The following DOK6 variants were observed in gnomAD, a reference collection of about 807,000 sequenced individuals.
DOK6 encodes the protein downstream of tyrosine kinase 6.
DOK6 carries 22 observed loss-of-function variants against 44.0 expected under a neutral mutation model. That is an observed-to-expected ratio of 0.50 (90% confidence interval 0.36 to 0.71). The LOEUF (loss-of-function observed/expected upper bound fraction) is 0.71, where lower values mean the gene tolerates loss of function less well. DOK6 is among the 30% of genes least tolerant of loss of function. DOK6 has a pLI of 0.00. For missense variants in DOK6, 340 were observed against 416.4 expected (o/e 0.82, Z 1.60); for synonymous variants, 166 against 145.5 (o/e 1.14, Z -1.01).
chr18:69,792,064 A>T (rs1350570895), intron 7 of DOK6, among the ~76,000 whole-genome samples: 7 of 151,904 alleles, frequency 4.6e-5, no homozygotes, highest in Admixed American at 4.6e-4. Flanking sequence ...TTCACTGTAG[A>T]TGTATGAATT....
At chr18:69,651,478 GCTC>G (rs1985223971) in intron 3 of DOK6, among the ~76,000 whole-genome samples, 2 of 134,684 alleles carry the variant, frequency 1.5e-5, no homozygotes, top group African/African-American at 5.8e-5. Flanking sequence ...TCAGCCCCCC[GCTC>G]CTTTTTTTTT....
intron 5 of DOK6, among the ~76,000 whole-genome samples, chr18:69,708,923 G>A (rs1238465756): frequency 1.3e-5 from 2 of 151,852 alleles, no homozygotes; most frequent in Non-Finnish European, 2.9e-5. Context: ...AATCAAAAAC[G>A]AGCCTTTCCT....
chr18:69,614,687 G>A (rs558779361), intron 3 of DOK6, among the ~76,000 whole-genome samples: 2 of 151,822 alleles, frequency 1.3e-5, no homozygotes, highest in South Asian at 4.1e-4. Context: ...TTTTGCATCC[G>A]TGTTACAGCT....
At chr18:69,437,183 G>C (rs1249007730) in intron 1 of DOK6, among the ~76,000 whole-genome samples, 1 of 152,046 alleles carries the variant, frequency 6.6e-6, no homozygotes, top group Non-Finnish European at 1.5e-5. Context: ...TGTCAATTTT[G>C]GTTTTTGTTG....
chr18:69,765,159 A>C (rs769035882), intron 7 of DOK6, among the ~76,000 whole-genome samples: 1 of 152,222 alleles, frequency 6.6e-6, no homozygotes, highest in Non-Finnish European at 1.5e-5. Flanking sequence ...TCCAAACTGC[A>C]TTGTATATAA....
At chr18:69,575,588 A>G (rs1462671230) in intron 2 of DOK6, among the ~76,000 whole-genome samples, 3 of 152,118 alleles carry the variant, frequency 2.0e-5, no homozygotes, top group Non-Finnish European at 4.4e-5. Context: ...CCTGACAGGA[A>G]AAAAGCTAAT....
At chr18:69,567,218 T>C (rs74348924) in intron 2 of DOK6, among the ~76,000 whole-genome samples, 4,611 of 152,266 alleles carry the variant, frequency 0.03, 80 homozygotes, top group South Asian at 0.044. Flanking sequence ...GGCCATGCAC[T>C]GGGGATACAG....
chr18:69,514,630 C>G (rs919467832), intron 1 of DOK6, among the ~76,000 whole-genome samples: 1 of 151,744 alleles, frequency 6.6e-6, no homozygotes, highest in Non-Finnish European at 1.5e-5. Context: ...ATATTGGGAA[C>G]AAAATCATGA....
At chr18:69,483,989 A>T (rs1035340695) in intron 1 of DOK6, among the ~76,000 whole-genome samples, 5 of 152,014 alleles carry the variant, frequency 3.3e-5, no homozygotes, top group Non-Finnish European at 7.4e-5. Flanking sequence ...ATTAGCAAAG[A>T]TGTTTAACAG....
intron 1 of DOK6, among the ~76,000 whole-genome samples, chr18:69,438,586 A>C (rs1199768622): frequency 6.6e-6 from 1 of 152,176 alleles, no homozygotes; most frequent in African/African-American, 2.4e-5. Flanking sequence ...TGAATCAGAA[A>C]TGTTCTTCAT....
At chr18:69,467,948 G>A (rs937063745) in intron 1 of DOK6, among the ~76,000 whole-genome samples, 1 of 152,168 alleles carries the variant, frequency 6.6e-6, no homozygotes, top group Non-Finnish European at 1.5e-5. Context: ...ATAGCATGGA[G>A]AGACAGCTTG....
At chr18:69,462,664 G>A (rs573677463) in intron 1 of DOK6, among the ~76,000 whole-genome samples, 1 of 152,250 alleles carries the variant, frequency 6.6e-6, no homozygotes, top group East Asian at 1.9e-4. Flanking sequence ...TTTAAAAAAT[G>A]TTTTTATACA....
intron 1 of DOK6, among the ~76,000 whole-genome samples, chr18:69,467,099 G>A (rs1338296902): frequency 1.3e-5 from 2 of 152,080 alleles, no homozygotes; most frequent in African/African-American, 4.8e-5. Context: ...AATTCTGTCT[G>A]CATAATATGA....
intron 1 of DOK6, among the ~76,000 whole-genome samples, chr18:69,555,100 T>C (rs989867398): frequency 1.3e-4 from 20 of 152,182 alleles, no homozygotes; most frequent in Non-Finnish European, 2.9e-4. Flanking sequence ...TTTCCTAATA[T>C]GTAAAAATTT....
intron 3 of DOK6, among the ~76,000 whole-genome samples, chr18:69,669,619 G>A (rs1985745508): frequency 6.6e-6 from 1 of 152,036 alleles, no homozygotes; most frequent in African/African-American, 2.4e-5. Context: ...GTTACTGGTG[G>A]ATCTAATCTT....
chr18:69,505,502 T>A (rs1292118182), intron 1 of DOK6, among the ~76,000 whole-genome samples: 1 of 145,786 alleles, frequency 6.9e-6, no homozygotes, highest in African/African-American at 2.6e-5. Context: ...TTTTTTTTTT[T>A]TTTTTTTTTT....
chr18:69,634,356 A>G (rs1450400819), intron 3 of DOK6, among the ~76,000 whole-genome samples: 1 of 152,106 alleles, frequency 6.6e-6, no homozygotes, highest in Non-Finnish European at 1.5e-5. Flanking sequence ...AAGTAACCCT[A>G]CTCCCCAGCA....
At chr18:69,728,031 A>G (rs79118629) in intron 5 of DOK6, among the ~76,000 whole-genome samples, 1,848 of 152,304 alleles carry the variant, frequency 0.012, 40 homozygotes, top group African/African-American at 0.042. Context: ...GCTGTAGTAA[A>G]TATAACTGAA....
intron 1 of DOK6, among the ~76,000 whole-genome samples, chr18:69,463,964 T>C (rs1267546115): frequency 6.6e-6 from 1 of 152,230 alleles, no homozygotes; most frequent in Non-Finnish European, 1.5e-5. Context: ...TGATATTTAC[T>C]ATTGACTTTT....
Sources: gnomAD v4.1 joint callset for allele counts (sites outside exome capture counted in the v4.1 genomes callset) on GRCh38, gnomAD v4.1.1 for gene constraint, MANE v1.5 for transcripts, NCBI Gene and HGNC (gene_info 2026-07-23, HGNC 2026-07-21) for gene names.